Variants in TRIM44 observed in about 807,000 individuals in gnomAD.
TRIM44 encodes the protein tripartite motif containing 44.
In TRIM44, 13 loss-of-function variants were observed where a neutral mutation model predicts 37.4. The observed-to-expected ratio is 0.35, with a 90% CI of 0.23 to 0.55. TRIM44 has a LOEUF of 0.55. Ranked by LOEUF, TRIM44 falls within the 20% of genes least tolerant of loss-of-function variation. TRIM44 has a pLI of 0.89. For missense variants in TRIM44, 426 were observed against 437.2 expected, an observed-to-expected ratio of 0.97 and a Z score of 0.23; for synonymous variants, 175 against 157.2, an observed-to-expected ratio of 1.11 and a Z score of -0.85.
At chr11:35,719,715 T>C (rs1437892684) in intron 2 of TRIM44, among the ~76,000 whole-genome samples, 3 of 152,202 alleles carry the variant, frequency 2.0e-5, no homozygotes, top group Non-Finnish European at 4.4e-5. Flanking sequence ...CTTGAATAAA[T>C]TTTGGTGAAA....
At chr11:35,679,146 T>C (rs1005023824) in intron 1 of TRIM44, among the ~76,000 whole-genome samples, 2 of 152,316 alleles carry the variant, frequency 1.3e-5, no homozygotes, top group East Asian at 3.9e-4. Flanking sequence ...GTTTAGGATA[T>C]TTATGTGGCT....
chr11:35,780,063 T>A (rs918723034), intron 4 of TRIM44, among the ~76,000 whole-genome samples: 3 of 152,252 alleles, frequency 2.0e-5, no homozygotes, highest in Admixed American at 2.0e-4. Context: ...TTGTTCTTTT[T>A]GCTTAGGATT....
intron 1 of TRIM44, among the ~76,000 whole-genome samples, chr11:35,671,613 T>G (rs1412315172): frequency 6.6e-6 from 1 of 152,192 alleles, no homozygotes; most frequent in African/African-American, 2.4e-5. Flanking sequence ...CAAAGTCTGC[T>G]GACATTTAGA....
At position 35,663,128 on chromosome 11, in the gene TRIM44, G is replaced by A; in HGVS notation, c.17G>A (p.Gly6Asp). 1 of 1,529,424 alleles carries A rather than the reference G, an allele frequency of 6.5e-7. No homozygotes were observed. The allele number at this position is 1,529,424 out of a possible 1,614,324, so 94.7% of individuals were successfully genotyped here. MASGV[G>D]AAFEELPHDG... is the part of the protein sequence containing the mutation. ...AGCACCCACATGGCCTCTGGAGTGGGCGCGGCCTTCGAGGAACTGCCTCAC... is the reference window on the plus strand; with the variant it reads ...AGCACCCACATGGCCTCTGGAGTGGACGCGGCCTTCGAGGAACTGCCTCAC... Residue 6 changes from glycine to aspartate, a missense_variant, in exon 1 of 5, where the codon GGC becomes GAC. Transcript: ENST00000299413.
chr11:35,716,230 C>T (rs1243400090), intron 2 of TRIM44, among the ~76,000 whole-genome samples: 1 of 152,052 alleles, frequency 6.6e-6, no homozygotes, highest in Non-Finnish European at 1.5e-5. Flanking sequence ...GATTCAAGGC[C>T]AAGAGGAAAT....
Position 35,663,199 on chromosome 11 carries a change from G to A in TRIM44, c.88G>A (p.Glu30Lys), listed in dbSNP as rs1264619180. 1.3e-6 allele frequency: 2 copies of A among 1,595,940 alleles called. No homozygotes were observed. The highest frequency in any genetic ancestry group is 1.3e-5 in the African/African-American group (1 of 74,578). The change falls in exon 1 of 5, where the codon GAG becomes AAG. Residue 30 changes from glutamate (E) to lysine (K), a missense_variant. Around this residue, in one of 2 missense-constraint regions of TRIM44, gnomAD observed 331 missense variants for 303.0 expected, o/e 1.09. Transcript: ENST00000299413. The stretch of plus-strand genomic sequence containing the variant: ...CGAGCCCGACGAGGCTCCGGGGGCC[G>A]AGGAAGTGTGCCGAGAATGCGGCTT... ...ECEPDEAPGA[E>K]EVCRECGFCY...
chr11:35,784,497 C>T (rs932485591), intron 4 of TRIM44, among the ~76,000 whole-genome samples: 1 of 152,126 alleles, frequency 6.6e-6, no homozygotes, highest in African/African-American at 2.4e-5. Context: ...GAAGTTGCCT[C>T]TTAATAAAAA....
chr11:35,711,813 G>A lies in TRIM44; in HGVS notation c.748-14111G>A, dbSNP rs189033581. ...TGTGGCTGCTGTTAGCCTCCAGTCC[G>A]GAGAATAACCCTTACTTCCAGCAGA... On this transcript the variant is annotated intron_variant, in intron 2 of 4. Coordinates refer to ENST00000299413, the MANE Select transcript of TRIM44 (RefSeq NM_017583.6). Among the ~76,000 whole-genome samples, 230 of 152,208 alleles carry A rather than the reference G, an allele frequency of 1.5e-3. 1 individual carries two copies. Among genetic ancestry groups the A allele is most frequent in the African/African-American group, 5.4e-3 (223 of 41,538 alleles).
rs1226556768 is a variant in TRIM44, at chr11:35,814,944, TC to T, written c.*8560del. ...ATAATGCCTGGCTCGGACCCCAGAT[TC>T]ACATCATACTTGAAGTTCATAAATT... On this transcript the variant is annotated 3_prime_UTR_variant, in exon 5 of 5. Transcript: ENST00000299413. 3 of 152,214 alleles carry T rather than the reference TC, an allele frequency of 2.0e-5. No individual in the cohort carries two copies. The highest frequency in any genetic ancestry group is 2.1e-4 in the South Asian group (1 of 4,822). 9.4% of individuals were successfully genotyped at this position (152,214 alleles called of 1,614,324 possible).
At chr11:35,667,879 GT>G (rs970561748) in intron 1 of TRIM44, among the ~76,000 whole-genome samples, 3 of 151,868 alleles carry the variant, frequency 2.0e-5, no homozygotes, top group East Asian at 1.9e-4. Context: ...AATTTATGTA[GT>G]TTTTTTTCAT....
intron 2 of TRIM44, among the ~76,000 whole-genome samples, chr11:35,693,861 C>T (rs1427157626): frequency 6.6e-6 from 1 of 152,094 alleles, no homozygotes; most frequent in Non-Finnish European, 1.5e-5. Context: ...TGGCTGTATG[C>T]AAACATTTAA....
chr11:35,768,765 T>G (rs1488581382), intron 4 of TRIM44, among the ~76,000 whole-genome samples: 2 of 152,176 alleles, frequency 1.3e-5, no homozygotes, highest in Non-Finnish European at 2.9e-5. Flanking sequence ...ATGCTTTTGG[T>G]TAGACAAAGT....
chr11:35,780,075 C>T (rs1054125629), intron 4 of TRIM44, among the ~76,000 whole-genome samples: 1 of 151,846 alleles, frequency 6.6e-6, no homozygotes. Flanking sequence ...CTTAGGATTG[C>T]TTTAGCTATC....
At chr11:35,709,404 G>C (rs1207688325) in intron 2 of TRIM44, among the ~76,000 whole-genome samples, 1 of 152,010 alleles carries the variant, frequency 6.6e-6, no homozygotes, top group African/African-American at 2.4e-5. Context: ...AAGTGGGCAA[G>C]AAAAATGAAA....
At position 35,663,243 on chromosome 11, in the gene TRIM44, T is replaced by G; in HGVS notation, c.132T>G (p.His44Gln). Residue 44 changes from histidine to glutamine, a missense_variant, in exon 1 of 5, where the codon CAT becomes CAG. Physicochemically the swap from His to Gln is conservative, Grantham distance 24. Transcript: ENST00000299413. ...GCGGCTTCTGCTACTGCCGCCGCCA[T>G]GCCGAGGCGCACAGGCAGAAGTTCC... Reference protein sequence around the residue: ...RECGFCYCRRHAEAHRQKFLS... With the variant: ...RECGFCYCRRQAEAHRQKFLS... 6.2e-7 allele frequency: 1 copy of G among 1,609,468 alleles called. No individual in the cohort carries two copies. The highest frequency in any genetic ancestry group is 8.5e-7 in the Non-Finnish European group (1 of 1,176,464).
intron 1 of TRIM44, among the ~76,000 whole-genome samples, chr11:35,676,996 A>C (rs16927843): frequency 0.092 from 14,030 of 152,256 alleles, 861 homozygotes; most frequent in Non-Finnish European, 0.13. Flanking sequence ...TATGAGAAAA[A>C]TAACAAATAG....
chr11:35,712,478 G>A (rs1415265592), intron 2 of TRIM44, among the ~76,000 whole-genome samples: 1 of 151,948 alleles, frequency 6.6e-6, no homozygotes, highest in Non-Finnish European at 1.5e-5. Context: ...TCTTACTGGA[G>A]CCCCAGACCT....
intron 4 of TRIM44, among the ~76,000 whole-genome samples, chr11:35,765,814 T>C (rs867724952): frequency 3.3e-5 from 5 of 152,206 alleles, no homozygotes; most frequent in South Asian, 2.1e-4. Flanking sequence ...CAAAATTTAG[T>C]TTCTTTTTAA....
intron 4 of TRIM44, among the ~76,000 whole-genome samples, chr11:35,800,090 C>A (rs1268626416): frequency 6.6e-6 from 1 of 152,160 alleles, no homozygotes. Context: ...AAGCCGCGGA[C>A]CTTCGCGGTG....
Sources: allele counts gnomAD v4.1 joint callset (sites outside exome capture counted in the v4.1 genomes callset), GRCh38; gene constraint gnomAD v4.1.1; regional missense constraint gnomAD v4.1.1; transcripts MANE v1.5; gene names NCBI Gene and HGNC (gene_info 2026-07-23, HGNC 2026-07-21).